ANKS1A: variants seen among roughly 807,000 people sequenced by gnomAD.
The protein encoded by ANKS1A is ankyrin repeat and SAM domain-containing protein 1A.
In ANKS1A, 55 loss-of-function variants were observed where a neutral mutation model predicts 120.3. The observed-to-expected ratio is 0.46, with a 90% CI of 0.37 to 0.57. ANKS1A has a LOEUF of 0.57. Among genes scored for constraint, ANKS1A ranks in the 20% least tolerant of loss-of-function variants. The pLI, the probability that ANKS1A is intolerant of heterozygous loss-of-function variation, is 0.00. For missense variants in ANKS1A, 1,123 were observed against 1,480.3 expected (o/e 0.76, Z 3.96); for synonymous variants, 590 against 604.7 (o/e 0.98, Z 0.36).
At position 34,914,237 on chromosome 6, in the gene ANKS1A, A is replaced by G. The variant is rs568112568; in HGVS notation, c.197+24638A>G. Among the ~76,000 whole-genome samples the G allele has an allele frequency of 2.6e-5, 4 of 152,324 alleles. No individual in the cohort carries two copies. The East Asian group carries it at 5.8e-4, about 22-fold the overall frequency. ...TACCCAGCCAATAGTTTTTGAATCT[A>G]AAATTGATCAATCAGGAAGCATGAC... is the stretch of plus-strand genomic sequence containing the variant. On this transcript the variant is annotated intron_variant, in intron 1 of 23. Transcript: ENST00000360359.
rs566415088 is a variant in ANKS1A, at chr6:35,086,447, C to G, written c.3304-505C>G. 1.7e-5 allele frequency: 17 copies of G among 1,001,204 alleles called. No individual in the cohort carries two copies. The South Asian group carries it at 2.1e-4, about 13-fold the overall frequency. 62.0% of individuals were successfully genotyped at this position (1,001,204 alleles called of 1,614,324 possible). On this transcript the variant is annotated intron_variant, in intron 22 of 23. Transcript: ENST00000360359. This position sits in a 1 kb window ranked among gnomAD's most constrained non-coding sequence, Gnocchi z 5.1. ...CGCTCTTAGCCTCTGGCGGCCTCTC[C>G]CTCTGCCTGTGTGACATTCTTTCCC...
intron 1 of ANKS1A, among the ~76,000 whole-genome samples, chr6:34,952,797 C>T (rs1270755764): frequency 1.3e-5 from 2 of 151,910 alleles, no homozygotes; most frequent in Non-Finnish European, 2.9e-5. Context: ...GTAACCTCCA[C>T]CTCCCGGGTT....
At chr6:34,907,719 A>G (rs770002968) in intron 1 of ANKS1A, among the ~76,000 whole-genome samples, 48 of 152,218 alleles carry the variant, frequency 3.2e-4, no homozygotes, top group South Asian at 1.0e-3. Context: ...CAAAGGGCCT[A>G]TTTGATAGAG....
At chr6:34,919,561 CA>C (rs1768333821) in intron 1 of ANKS1A, among the ~76,000 whole-genome samples, 1 of 152,202 alleles carries the variant, frequency 6.6e-6, no homozygotes, top group African/African-American at 2.4e-5. Context: ...CAATCTTTAA[CA>C]GCTTTTGGGC....
At chr6:35,087,630 C>T (rs373971783) in intron 23 of ANKS1A, among the ~76,000 whole-genome samples, 83 of 152,354 alleles carry the variant, frequency 5.4e-4, no homozygotes, top group East Asian at 4.6e-3. Context: ...TCCGCTACTC[C>T]GAGGTGCTGG....
intron 1 of ANKS1A, among the ~76,000 whole-genome samples, chr6:34,904,742 A>C (rs768251220): frequency 7.2e-5 from 11 of 152,226 alleles, no homozygotes; most frequent in Non-Finnish European, 1.5e-4. Flanking sequence ...AAAACAAAAA[A>C]CAAAATGTTT....
chr6:35,030,335 A>G (rs904396747), intron 11 of ANKS1A, among the ~76,000 whole-genome samples: 1 of 152,204 alleles, frequency 6.6e-6, no homozygotes, highest in Non-Finnish European at 1.5e-5. Flanking sequence ...CGTAATATTA[A>G]GACTCAAAGC....
At chr6:35,097,520 A>AT in the ANKS1A span, among the ~76,000 whole-genome samples, 11 of 151,794 alleles carry the variant, frequency 7.2e-5, no homozygotes, top group African/African-American at 2.4e-4. Context: ...AAAAAAAAAA[A>AT]ATTGGGCTTC....
intron 13 of ANKS1A, among the ~76,000 whole-genome samples, chr6:35,064,394 G>A (rs1300060986): frequency 6.6e-6 from 1 of 152,216 alleles, no homozygotes; most frequent in Non-Finnish European, 1.5e-5. Flanking sequence ...TTTCTCTGCA[G>A]GCTCCTGCTA....
intron 1 of ANKS1A, among the ~76,000 whole-genome samples, chr6:34,922,848 C>T (rs1768509347): frequency 6.6e-6 from 1 of 152,106 alleles, no homozygotes; most frequent in Non-Finnish European, 1.5e-5. Flanking sequence ...CATGTACCAC[C>T]ACACCTGGCT....
At chr6:35,017,332 C>T in intron 10 of ANKS1A, 141 bp from the exon 11 acceptor site, 2 of 803,094 alleles carry the variant, frequency 2.5e-6, no homozygotes, top group Non-Finnish European at 3.8e-6. Context: ...CTTCTCTCCT[C>T]TCCCCCTCCC....
At position 34,934,271 on chromosome 6, in the gene ANKS1A, C is replaced by T. The variant is rs541111015; in HGVS notation, c.198-32968C>T. On this transcript the variant is annotated intron_variant, in intron 1 of 23. Transcript: ENST00000360359. The stretch of plus-strand genomic sequence containing the variant: ...CACGCCATTCTCCTGCCTCAGCCTC[C>T]GGAGCAGCTGGGACTACAGGCGCCC... 7.9e-5 allele frequency among the ~76,000 whole-genome samples: 12 copies of T among 152,224 alleles called. No individual in the cohort carries two copies. In the South Asian group the frequency reaches 1.9e-3, roughly 24 times the overall value.
At chr6:34,981,651 A>G (rs1771912005) in intron 3 of ANKS1A, 39 bp from the exon 4 acceptor site, 1 of 1,595,316 alleles carries the variant, frequency 6.3e-7, no homozygotes, top group Non-Finnish European at 8.6e-7. Context: ...CCTGTCTGCC[A>G]GTGACCTTTC....
In ANKS1A at chr6:35,091,138, G is replaced by A. The variant is rs781062504; in HGVS notation, c.*2529G>A. On this transcript the variant is annotated 3_prime_UTR_variant, in exon 24 of 24. Coordinates refer to ENST00000360359, the MANE Select transcript of ANKS1A (RefSeq NM_015245.3). Reference sequence around the variant, plus strand: ...CAATGGACTGAACTGTAATGAAAATGTTATTTAATCTTTGTCTCTGTATTT... The same window carrying A: ...CAATGGACTGAACTGTAATGAAAATATTATTTAATCTTTGTCTCTGTATTT... The A allele has an allele frequency of 6.4e-5, 63 of 985,892 alleles. No individual in the cohort carries two copies. The highest frequency in any genetic ancestry group is 1.7e-4 in the African/African-American group (10 of 57,366). The allele number at this position is 985,892 out of a possible 1,614,324, so 61.1% of individuals were successfully genotyped here.
chr6:35,024,710 AG>A (rs1774520004), intron 11 of ANKS1A, among the ~76,000 whole-genome samples: 1 of 152,212 alleles, frequency 6.6e-6, no homozygotes, highest in African/African-American at 2.4e-5. Flanking sequence ...CAAGTCCAGA[AG>A]TGGCCTCGCC....
intron 10 of ANKS1A, among the ~76,000 whole-genome samples, chr6:35,015,757 A>T (rs1364505001): frequency 2.6e-5 from 4 of 152,198 alleles, no homozygotes; most frequent in Non-Finnish European, 5.9e-5. Flanking sequence ...TTGTTGAGAC[A>T]TTTCTTAAAG....
In ANKS1A at chr6:34,919,419, A is replaced by G. The variant is rs73421523; in HGVS notation, c.197+29820A>G. Reference sequence around the variant, plus strand: ...CTTTGCACTAGATGCTTCAATATTAATTTAACAAATATTAAGTGCCTTCTC... The same window carrying G: ...CTTTGCACTAGATGCTTCAATATTAGTTTAACAAATATTAAGTGCCTTCTC... On this transcript the variant is annotated intron_variant, in intron 1 of 23. Coordinates refer to ENST00000360359, the MANE Select transcript of ANKS1A (RefSeq NM_015245.3). Among the ~76,000 whole-genome samples the G allele has an allele frequency of 2.6e-4, 40 of 152,270 alleles. 1 individual carries two copies. Among genetic ancestry groups the G allele is most frequent in the Middle Eastern group, 3.4e-3 (1 of 294 alleles).
chr6:34,908,442 G>A (rs1156610375), intron 1 of ANKS1A, among the ~76,000 whole-genome samples: 1 of 152,210 alleles, frequency 6.6e-6, no homozygotes, highest in Non-Finnish European at 1.5e-5. Flanking sequence ...CATGGGATTG[G>A]ATGCTGGCTT....
chr6:35,059,060 T>C (rs561316762), intron 12 of ANKS1A, among the ~76,000 whole-genome samples: 1 of 152,360 alleles, frequency 6.6e-6, no homozygotes, highest in East Asian at 1.9e-4. Context: ...CCTTTTTCTC[T>C]CTTTTATCTG....
Sources: gnomAD v4.1 joint callset for allele counts (sites outside exome capture counted in the v4.1 genomes callset) on GRCh38, gnomAD v4.1.1 for gene constraint, Gnocchi (gnomAD v3.1) non-coding constraint, MANE v1.5 for transcripts, NCBI Gene and HGNC (gene_info 2026-07-23, HGNC 2026-07-21) for gene names.